Variants in FSTL4 observed in about 807,000 individuals in gnomAD.
FSTL4 encodes the protein follistatin-related protein 4.
In FSTL4, 28 loss-of-function variants were observed where a neutral mutation model predicts 78.2. The ratio of observed to expected loss-of-function variants is 0.36; its 90% CI spans 0.27 to 0.49. The LOEUF is 0.49. FSTL4 is among the 20% of genes least tolerant of loss of function. The pLI is 0.98. For missense variants in FSTL4, 922 were observed against 1,084.9 expected, an observed-to-expected ratio of 0.85 and a Z score of 2.11; for synonymous variants, 422 against 440.5, an observed-to-expected ratio of 0.96 and a Z score of 0.53.
the FSTL4 span, among the ~76,000 whole-genome samples, chr5:133,649,970 T>C: frequency 6.6e-6 from 1 of 151,852 alleles, no homozygotes; most frequent in Non-Finnish European, 1.5e-5. Context: ...CTGCCAGCTG[T>C]ATAAGAAGCA....
In FSTL4 at chr5:133,467,281, T is replaced by A. The variant is rs552627646; in HGVS notation, c.161-66295A>T. The stretch of plus-strand genomic sequence containing the variant: ...GAGTGTGTGTGTGTGTGTGTGTGTG[T>A]GAGTGTGTATGTGTACACCACTGCA... On this transcript the variant is annotated intron_variant, in intron 3 of 15. Coordinates refer to ENST00000265342, the MANE Select transcript of FSTL4 (RefSeq NM_015082.2). 6.8e-4 allele frequency among the ~76,000 whole-genome samples: 103 copies of A among 151,342 alleles called. 1 individual carries two copies. In the South Asian group the frequency reaches 0.01, roughly 15 times the overall value.
intron 2 of FSTL4, among the ~76,000 whole-genome samples, chr5:133,593,512 G>A (rs995920084): frequency 1.6e-4 from 25 of 152,070 alleles, no homozygotes; most frequent in African/African-American, 2.7e-4. Flanking sequence ...AGAGACTTCC[G>A]GCTTCCTCCA....
the FSTL4 span, among the ~76,000 whole-genome samples, chr5:133,732,074 T>C: frequency 5.3e-5 from 8 of 152,196 alleles, no homozygotes; most frequent in Non-Finnish European, 1.2e-4. Context: ...CACTTGGGAT[T>C]GATGGCTCTG....
chr5:133,253,134 G>C (rs1276367072), intron 6 of FSTL4, among the ~76,000 whole-genome samples: 3 of 152,296 alleles, frequency 2.0e-5, no homozygotes, highest in African/African-American at 7.2e-5. Flanking sequence ...GGGATTTATG[G>C]CTACTGAGCC....
At chr5:133,201,765 C>T (rs570634866) in intron 15 of FSTL4, among the ~76,000 whole-genome samples, 168 bp downstream of exon 15, 3 of 152,336 alleles carry the variant, frequency 2.0e-5, no homozygotes, top group African/African-American at 7.2e-5. Flanking sequence ...GGACTAGGCT[C>T]TGGGTCTGTT....
chr5:133,458,870 T>A (rs994082024), intron 3 of FSTL4, among the ~76,000 whole-genome samples: 18 of 152,286 alleles, frequency 1.2e-4, no homozygotes, highest in African/African-American at 4.3e-4. Context: ...GAAGGCCCCA[T>A]CACATCCTCC....
chr5:133,590,406 G>A (rs1232155392), intron 2 of FSTL4, among the ~76,000 whole-genome samples: 2 of 152,154 alleles, frequency 1.3e-5, no homozygotes, highest in Non-Finnish European at 2.9e-5. Flanking sequence ...TCAGAACTGG[G>A]GAGGTGGGGA....
the FSTL4 span, among the ~76,000 whole-genome samples, chr5:133,775,542 T>G: frequency 1.3e-5 from 2 of 152,208 alleles, no homozygotes; most frequent in Non-Finnish European, 2.9e-5. Flanking sequence ...AACCACCGAT[T>G]ACAGTGTTAT....
chr5:133,814,536 C>T, the FSTL4 span, among the ~76,000 whole-genome samples: 1 of 152,198 alleles, frequency 6.6e-6, no homozygotes, highest in Non-Finnish European at 1.5e-5. Context: ...TGGCTGCAGA[C>T]TTCCTCCTAC....
At chr5:133,783,345 A>G in the FSTL4 span, among the ~76,000 whole-genome samples, 3 of 152,372 alleles carry the variant, frequency 2.0e-5, no homozygotes, top group Admixed American at 2.0e-4. Context: ...AGGAATAATT[A>G]TGATTGTACC....
chr5:133,246,712 G>C (rs1242584702), intron 7 of FSTL4: 1 of 152,206 alleles, frequency 6.6e-6, no homozygotes, highest in Non-Finnish European at 1.5e-5. Flanking sequence ...TCACCCAGCT[G>C]TTGCTGGCTG....
At chr5:133,257,044 C>G (rs1488964457) in intron 6 of FSTL4, among the ~76,000 whole-genome samples, 1 of 152,172 alleles carries the variant, frequency 6.6e-6, no homozygotes, top group African/African-American at 2.4e-5. Context: ...TATGTTGTAT[C>G]CCCAGCACCT....
chr5:133,408,552 C>A (rs531733261), intron 3 of FSTL4, among the ~76,000 whole-genome samples: 2 of 150,274 alleles, frequency 1.3e-5, no homozygotes, highest in South Asian at 2.1e-4. Flanking sequence ...GGATGCAGCT[C>A]CTCTTCACTG....
At chr5:133,773,149 A>T in the FSTL4 span, among the ~76,000 whole-genome samples, 1 of 152,216 alleles carries the variant, frequency 6.6e-6, no homozygotes, top group South Asian at 2.1e-4. Context: ...TCAAATTTTT[A>T]ATTACAATTT....
the FSTL4 span, among the ~76,000 whole-genome samples, chr5:133,702,146 G>A: frequency 6.6e-6 from 1 of 152,326 alleles, no homozygotes; most frequent in East Asian, 1.9e-4. Flanking sequence ...CTGATTTGAA[G>A]CATCGCTGTG....
chr5:133,718,775 A>G, the FSTL4 span, among the ~76,000 whole-genome samples: 1 of 152,226 alleles, frequency 6.6e-6, no homozygotes, highest in Non-Finnish European at 1.5e-5. Flanking sequence ...AGATTTTCAC[A>G]TAATTAGCAA....
In FSTL4 at chr5:133,199,349, G is replaced by A. The variant is rs200407513; in HGVS notation, c.2275C>T (p.Pro759Ser). The change falls in exon 16 of 16, where the codon CCG becomes TCG. Residue 759 changes from proline to serine, a missense_variant. Transcript: ENST00000265342. The surrounding 1 kb of genome is among the most constrained non-coding windows in gnomAD (Gnocchi z 4.4). ...YNIYAALHTEPDLLFLELSTG... is the reference protein window; with the variant it reads ...YNIYAALHTESDLLFLELSTG... ...GACAGCTCCAGGAACAGCAGGTCCG[G>A]CTCCGTGTGCAGAGCCGCGTAGATG... The A allele has an allele frequency of 3.9e-5, 63 of 1,614,024 alleles. No individual in the cohort carries two copies. The highest frequency in any genetic ancestry group is 1.6e-4 in the Middle Eastern group (1 of 6,082).
intron 2 of FSTL4, among the ~76,000 whole-genome samples, chr5:133,589,502 A>G (rs1760578830): frequency 6.6e-6 from 1 of 152,080 alleles, no homozygotes; most frequent in Non-Finnish European, 1.5e-5. Context: ...GAAGAAGTGC[A>G]AGGAAATAGC....
At chr5:133,374,278 C>G (rs1042548032) in intron 4 of FSTL4, among the ~76,000 whole-genome samples, 6 of 152,132 alleles carry the variant, frequency 3.9e-5, no homozygotes, top group African/African-American at 1.4e-4. Context: ...AATTTATTCA[C>G]GAGAAGTCCC....
Sources: allele counts gnomAD v4.1 joint callset (sites outside exome capture counted in the v4.1 genomes callset), GRCh38; gene constraint gnomAD v4.1.1; non-coding constraint Gnocchi (gnomAD v3.1); transcripts MANE v1.5; gene names NCBI Gene and HGNC (gene_info 2026-07-23, HGNC 2026-07-21).